Variants in AGBL1 observed in about 807,000 individuals in gnomAD.
AGBL1 encodes the protein cytosolic carboxypeptidase 4.
AGBL1 carries 130 observed loss-of-function variants against 118.9 expected under a neutral mutation model. The observed-to-expected ratio is 1.09, with a 90% CI of 0.95 to 1.26. The LOEUF is 1.26. AGBL1 is among the 50% of genes most tolerant of loss of function. The probability of loss-of-function intolerance (pLI) is 0.00; values close to 1 mark genes in which losing one functional copy is unlikely to be tolerated. For missense variants in AGBL1, 1,584 were observed against 1,298.1 expected (o/e 1.22, Z -3.38); for synonymous variants, 555 against 478.9 (o/e 1.16, Z -2.08).
chr15:86,635,068 G>A (rs957703591), intron 21 of AGBL1, among the ~76,000 whole-genome samples: 1 of 152,132 alleles, frequency 6.6e-6, no homozygotes, highest in Non-Finnish European at 1.5e-5. Flanking sequence ...TAGGAGAAAA[G>A]TAATTTTTAT....
At chr15:86,639,259 A>G (rs2085153140) in intron 21 of AGBL1, among the ~76,000 whole-genome samples, 1 of 152,162 alleles carries the variant, frequency 6.6e-6, no homozygotes, top group Non-Finnish European at 1.5e-5. Flanking sequence ...TCATCTTGGA[A>G]GTCTGCCTAC....
chr15:86,393,046 C>A (rs1596059298), intron 17 of AGBL1, among the ~76,000 whole-genome samples: 1 of 152,088 alleles, frequency 6.6e-6, no homozygotes, highest in East Asian at 1.9e-4. Flanking sequence ...AACATGACTG[C>A]AAAATTGTCT....
intron 21 of AGBL1, among the ~76,000 whole-genome samples, chr15:86,558,119 A>G (rs1370695854): frequency 6.6e-6 from 1 of 152,142 alleles, no homozygotes; most frequent in Non-Finnish European, 1.5e-5. Context: ...TCAGGTATGG[A>G]ATCTCTTATG....
chr15:86,405,836 A>C (rs1419864920), intron 18 of AGBL1, among the ~76,000 whole-genome samples: 1 of 151,984 alleles, frequency 6.6e-6, no homozygotes, highest in Non-Finnish European at 1.5e-5. Context: ...GAGATGCTAA[A>C]AAAAAAAAAG....
intron 5 of AGBL1, among the ~76,000 whole-genome samples, chr15:86,165,195 T>C (rs1243880963): frequency 6.6e-6 from 1 of 152,112 alleles, no homozygotes; most frequent in East Asian, 1.9e-4. Flanking sequence ...TAGTAGCTCC[T>C]TGTGCTTGGA....
At chr15:86,455,929 C>A (rs758942245) in intron 18 of AGBL1, among the ~76,000 whole-genome samples, 16 of 152,136 alleles carry the variant, frequency 1.1e-4, no homozygotes, top group Non-Finnish European at 1.5e-4. Context: ...TACCTACCTA[C>A]CCATCCATCC....
intron 1 of AGBL1, among the ~76,000 whole-genome samples, chr15:86,091,627 A>G (rs1896032734): frequency 6.6e-6 from 1 of 152,200 alleles, no homozygotes; most frequent in African/African-American, 2.4e-5. Flanking sequence ...TTTCCCAGAT[A>G]GATATACATA....
chr15:86,193,829 A>T (rs115968310), intron 5 of AGBL1, among the ~76,000 whole-genome samples: 4,098 of 152,216 alleles, frequency 0.027, 75 homozygotes, highest in East Asian at 0.073. Context: ...ATTCTAACCA[A>T]CCTCTTGTCA....
At chr15:86,178,393 T>G (rs532388040) in intron 5 of AGBL1, among the ~76,000 whole-genome samples, 1 of 152,214 alleles carries the variant, frequency 6.6e-6, no homozygotes, top group African/African-American at 2.4e-5. Context: ...GTATCAGAAA[T>G]GAGAGGCGAA....
At chr15:86,114,989 A>G (rs190065128) in intron 1 of AGBL1, among the ~76,000 whole-genome samples, 13 of 152,300 alleles carry the variant, frequency 8.5e-5, no homozygotes, top group Non-Finnish European at 1.8e-4. Flanking sequence ...AGGGCTGAAA[A>G]AATTGTGGCT....
At chr15:86,328,857 G>A (rs1472454287) in intron 17 of AGBL1, among the ~76,000 whole-genome samples, 1 of 152,190 alleles carries the variant, frequency 6.6e-6, no homozygotes, top group East Asian at 1.9e-4. Flanking sequence ...CCCAGATTCA[G>A]GACCAAGGAC....
intron 4 of AGBL1, 73 bp downstream of exon 4, chr15:86,154,634 G>A: frequency 6.7e-7 from 1 of 1,502,980 alleles, no homozygotes; most frequent in Non-Finnish European, 8.9e-7. Flanking sequence ...CTGCATGAGG[G>A]TCTGGTTGGA....
downstream of AGBL1, among the ~76,000 whole-genome samples, chr15:87,030,625 C>T (rs2081774681): frequency 6.6e-6 from 1 of 151,962 alleles, no homozygotes; most frequent in East Asian, 1.9e-4. Flanking sequence ...AAAATTATTC[C>T]TGGTGGTTTG....
At chr15:86,210,929 CT>C (rs1468868720) in intron 5 of AGBL1, among the ~76,000 whole-genome samples, 2 of 152,184 alleles carry the variant, frequency 1.3e-5, no homozygotes, top group African/African-American at 4.8e-5. Flanking sequence ...CTTTTCTGCT[CT>C]GGTTTCTCCC....
At chr15:86,267,354 T>G (rs1284543940) in intron 13 of AGBL1, among the ~76,000 whole-genome samples, 2 of 152,226 alleles carry the variant, frequency 1.3e-5, no homozygotes, top group African/African-American at 4.8e-5. Flanking sequence ...AAGTGAACTG[T>G]TATTAATGTG....
chr15:86,562,660 A>G (rs1027550097), intron 21 of AGBL1, among the ~76,000 whole-genome samples: 12 of 152,138 alleles, frequency 7.9e-5, no homozygotes, highest in African/African-American at 2.9e-4. Flanking sequence ...GGCCTCATAA[A>G]ATGAGTTAGG....
At chr15:86,689,345 T>G (rs1339022377) in intron 22 of AGBL1, among the ~76,000 whole-genome samples, 1 of 152,124 alleles carries the variant, frequency 6.6e-6, no homozygotes, top group Non-Finnish European at 1.5e-5. Context: ...CTGTAAGGCC[T>G]CTAATTTAGT....
intron 22 of AGBL1, among the ~76,000 whole-genome samples, chr15:86,690,899 CTAATT>C (rs1403684231): frequency 2.6e-5 from 4 of 151,962 alleles, no homozygotes; most frequent in East Asian, 1.9e-4. Flanking sequence ...ATAAGCTTGT[CTAATT>C]TATTTATTTA....
At chr15:87,014,278 AAAAG>A (rs3030283) in intron 24 of AGBL1, among the ~76,000 whole-genome samples, 97,352 of 151,582 alleles carry the variant, frequency 0.64, 31,845 homozygotes, top group South Asian at 0.76. Flanking sequence ...TAGCTAACGC[AAAAG>A]AAAGAGAAAA....
Sources: allele counts gnomAD v4.1 joint callset (sites outside exome capture counted in the v4.1 genomes callset), GRCh38; gene constraint gnomAD v4.1.1; transcripts MANE v1.5; gene names NCBI Gene and HGNC (gene_info 2026-07-23, HGNC 2026-07-21).